The following PRPF18 variants were observed in gnomAD, a reference collection of about 807,000 sequenced individuals.
PRPF18 encodes pre-mRNA processing factor 18, also known as pre-mRNA-splicing factor 18.
A neutral mutation model predicts 46.5 loss-of-function variants in PRPF18; 38 were observed. That is an observed-to-expected ratio of 0.82 (90% CI 0.63 to 1.07). The LOEUF is 1.07. Among genes scored for constraint, PRPF18 ranks in the 50% least tolerant of loss-of-function variants. The probability of loss-of-function intolerance (pLI) is 0.00; values close to 1 mark genes in which losing one functional copy is unlikely to be tolerated. For missense variants in PRPF18, 263 were observed against 410.0 expected (o/e 0.64, Z 3.10); for synonymous variants, 152 against 146.7 (o/e 1.04, Z -0.26).
At chr10:13,638,216 C>T in the PRPF18 span, 5 of 150,752 alleles carry the variant, frequency 3.3e-5, no homozygotes, top group African/African-American at 1.2e-4. Context: ...GATCATGATG[C>T]GTAGATGCTT....
intron 1 of PRPF18, chr10:13,591,993 G>C (rs1198168200): frequency 3.4e-6 from 3 of 880,128 alleles, no homozygotes; most frequent in Non-Finnish European, 5.2e-6. Flanking sequence ...AAAATATCTA[G>C]GCATTTTATG....
intron 1 of PRPF18, among the ~76,000 whole-genome samples, chr10:13,591,263 A>T (rs1001255192): frequency 8.5e-5 from 13 of 152,244 alleles, no homozygotes; most frequent in Non-Finnish European, 1.6e-4. Context: ...ATCTTTCTGC[A>T]TCACAGTGTC....
At chr10:13,636,403 A>T in the PRPF18 span, among the ~76,000 whole-genome samples, 4 of 152,208 alleles carry the variant, frequency 2.6e-5, no homozygotes, top group Non-Finnish European at 5.9e-5. Context: ...TGGGTGACAG[A>T]GTGAGACCGT....
chr10:13,591,869 T>G, intron 1 of PRPF18: 1 of 1,426,474 alleles, frequency 7.0e-7, no homozygotes, highest in Non-Finnish European at 9.4e-7. Context: ...CCAGTGAGGA[T>G]GATCAGAACG....
At chr10:13,614,148 A>G in intron 8 of PRPF18, 62 bp downstream of exon 8, 5 of 1,264,014 alleles carry the variant, frequency 4.0e-6, no homozygotes, top group Non-Finnish European at 5.5e-6. Flanking sequence ...TACGTAATAT[A>G]ATGTTCATTT....
chr10:13,626,549 G>C (rs1013795647), intron 9 of PRPF18, among the ~76,000 whole-genome samples: 13 of 152,170 alleles, frequency 8.5e-5, no homozygotes, highest in Non-Finnish European at 1.9e-4. Context: ...TTTGAGGCGT[G>C]TGCGTGCATA....
rs75817190 is a variant in PRPF18 at position 13,595,135 on chromosome 10, C to T, written c.67-2323C>T. Reference sequence around the variant, plus strand: ...TGCTGATGCCAGTAGTCCCCCTTCCCAAATCCTCCCCCCATGTTGCTTTTG... The same window carrying T: ...TGCTGATGCCAGTAGTCCCCCTTCCTAAATCCTCCCCCCATGTTGCTTTTG... On this transcript the variant is annotated intron_variant, in intron 1 of 9. Transcript: ENST00000378572. 7.8e-3 allele frequency among the ~76,000 whole-genome samples: 1,182 copies of T among 152,174 alleles called. 5 individuals carry two copies. The highest frequency in any genetic ancestry group is 0.013 in the Non-Finnish European group (910 of 68,002).
intron 6 of PRPF18, among the ~76,000 whole-genome samples, chr10:13,611,926 C>A (rs1041989042): frequency 3.3e-5 from 5 of 150,410 alleles, no homozygotes; most frequent in African/African-American, 9.8e-5. Flanking sequence ...GTCTCTCAAG[C>A]TGGGGTGCAG....
At position 13,616,257 on chromosome 10, in the gene PRPF18, T is replaced by A. The variant is rs973653479; in HGVS notation, c.793-141T>A. On this transcript the variant is annotated intron_variant, in intron 8 of 9. Transcript: ENST00000378572. ...TGTATTTTAATCTGTTTTGTTTGAATAACAGTCATGGTAATATTTTCCATG... is the reference window on the plus strand; with the variant it reads ...TGTATTTTAATCTGTTTTGTTTGAAAAACAGTCATGGTAATATTTTCCATG... 7.9e-5 allele frequency: 64 copies of A among 814,662 alleles called. No homozygotes were observed. The Middle Eastern group carries it at 1.5e-3, about 18-fold the overall frequency. The allele number at this position is 814,662 out of a possible 1,614,324, so 50.5% of individuals were successfully genotyped here. A position where few individuals can be genotyped will look rare whatever the true frequency, so the allele number is the denominator to read the frequency against.
chr10:13,647,706 G>C, the PRPF18 span: 5 of 146,748 alleles, frequency 3.4e-5, no homozygotes. Flanking sequence ...TTTAAAATAG[G>C]AAAGTCTATA....
rs150769909 is a variant in PRPF18 at position 13,617,224 on chromosome 10, T to G, written c.948+671T>G. Among the ~76,000 whole-genome samples, 176 of 152,370 alleles carry G rather than the reference T, an allele frequency of 1.2e-3. 1 individual carries two copies. Among genetic ancestry groups the G allele is most frequent in the Admixed American group, 3.8e-3 (58 of 15,310 alleles). ...ACTTGCTGGATGATAGTTCTAAAAC[T>G]TGACAGTGATACTCCGGAAGTTTAC... is the stretch of plus-strand genomic sequence containing the variant. On this transcript the variant is annotated intron_variant, in intron 9 of 9. Coordinates refer to ENST00000378572, the MANE Select transcript of PRPF18 (RefSeq NM_003675.4).
At chr10:13,613,532 G>A (rs1441995903) in intron 6 of PRPF18, among the ~76,000 whole-genome samples, 1 of 152,180 alleles carries the variant, frequency 6.6e-6, no homozygotes, top group East Asian at 1.9e-4. Flanking sequence ...ATGTAGACTA[G>A]GGAAGTTGGT....
chr10:13,603,739 C>A (rs1024403785), intron 3 of PRPF18, among the ~76,000 whole-genome samples: 1 of 152,116 alleles, frequency 6.6e-6, no homozygotes, highest in African/African-American at 2.4e-5. Flanking sequence ...CTGTACTTCT[C>A]GCAAGTTGAC....
intron 1 of PRPF18, 164 bp downstream of exon 1, chr10:13,587,316 G>A: frequency 6.9e-6 from 5 of 721,902 alleles, no homozygotes; most frequent in East Asian, 5.0e-5. Context: ...AACCCTTGGC[G>A]TCTCACTGTT....
At chr10:13,627,246 T>A (rs945765061) in intron 9 of PRPF18, among the ~76,000 whole-genome samples, 1 of 152,206 alleles carries the variant, frequency 6.6e-6, no homozygotes, top group South Asian at 2.1e-4. Flanking sequence ...AATTTTTTTT[T>A]ATGAATTTAT....
At chr10:13,591,770 G>C (rs2079965120) in intron 1 of PRPF18, 1 of 1,375,502 alleles carries the variant, frequency 7.3e-7, no homozygotes, top group Admixed American at 2.0e-5. Flanking sequence ...CTTCATAGAG[G>C]AACTCGATTG....
the PRPF18 span, among the ~76,000 whole-genome samples, chr10:13,650,169 A>G: frequency 2.0e-5 from 3 of 152,318 alleles, no homozygotes; most frequent in Admixed American, 6.5e-5. Context: ...ACTGCTTGGC[A>G]TAGGGAGGTG....
intron 6 of PRPF18, among the ~76,000 whole-genome samples, 181 bp downstream of exon 6, chr10:13,611,864 A>G (rs2080273482): frequency 6.7e-6 from 1 of 148,400 alleles, no homozygotes. Context: ...GAAAATGCAT[A>G]TTTACTTTTC....
intron 1 of PRPF18, chr10:13,592,405 A>C: frequency 4.5e-6 from 1 of 222,128 alleles, no homozygotes; most frequent in Non-Finnish European, 8.9e-6. Context: ...TGTTGTCATT[A>C]CCGCATCTGT....
Sources: gnomAD v4.1 joint callset for allele counts (sites outside exome capture counted in the v4.1 genomes callset) on GRCh38, gnomAD v4.1.1 for gene constraint, MANE v1.5 for transcripts, NCBI Gene and HGNC (gene_info 2026-07-23, HGNC 2026-07-21) for gene names.